Variants in HECW1 observed in about 807,000 individuals in gnomAD.
HECW1 encodes the protein HECT, C2 and WW domain containing E3 ubiquitin protein ligase 1.
A neutral mutation model predicts 182.3 loss-of-function variants in HECW1; 61 were observed. The ratio of observed to expected loss-of-function variants is 0.33; its 90% confidence interval spans 0.27 to 0.41. The LOEUF (loss-of-function observed/expected upper bound fraction) is 0.41, where lower values mean the gene tolerates loss of function less well. HECW1 is among the 10% of genes least tolerant of loss of function. The pLI is 1.00. For missense variants in HECW1, 1,739 were observed against 2,108.9 expected (o/e 0.82, Z 3.44); for synonymous variants, 859 against 832.6 (o/e 1.03, Z -0.55).
intron 5 of HECW1, among the ~76,000 whole-genome samples, chr7:43,324,903 G>C (rs1810581830): frequency 6.6e-6 from 1 of 151,972 alleles, no homozygotes; most frequent in Non-Finnish European, 1.5e-5. Context: ...GTATATTGCA[G>C]ATGACCTGGA....
At chr7:43,199,384 T>C (rs1029320163) in intron 2 of HECW1, among the ~76,000 whole-genome samples, 1 of 152,282 alleles carries the variant, frequency 6.6e-6, no homozygotes, top group Non-Finnish European at 1.5e-5. Flanking sequence ...CTGAATATTA[T>C]AGACTTTGAG....
intron 8 of HECW1, among the ~76,000 whole-genome samples, chr7:43,415,414 G>T (rs1187791816): frequency 2.0e-5 from 3 of 147,588 alleles, no homozygotes; most frequent in African/African-American, 7.5e-5. Flanking sequence ...AGTCTGATGG[G>T]CTTCCCTTTG....
In HECW1 at chr7:43,463,653, T is replaced by C; in HGVS notation, c.2652-7T>C. On this transcript the variant is annotated splice_polypyrimidine_tract_variant and splice_region_variant and intron_variant, in intron 13 of 29. Transcript: ENST00000395891. ...TAACTCCTGTCTTTCCATTTTCTAA[T>C]GCAAAGGTATCAAAACATTCAGCGA... is the stretch of plus-strand genomic sequence containing the variant. The C allele has an allele frequency of 6.2e-7, 1 of 1,611,672 alleles. No homozygotes were observed. Among genetic ancestry groups the C allele is most frequent in the Non-Finnish European group, 8.5e-7 (1 of 1,178,116 alleles).
chr7:43,386,169 CCT>C (rs1419513012), intron 6 of HECW1, among the ~76,000 whole-genome samples: 1 of 152,196 alleles, frequency 6.6e-6, no homozygotes, highest in Non-Finnish European at 1.5e-5. Context: ...TCTTTGACTT[CCT>C]CTCTCTCTTT....
At chr7:43,396,990 C>T in intron 7 of HECW1, 101 bp downstream of exon 7, 1 of 817,914 alleles carries the variant, frequency 1.2e-6, no homozygotes, top group Non-Finnish European at 2.1e-6. Context: ...GTCAGTCAAC[C>T]TCTCTGTGCC....
At chr7:43,301,132 G>A (rs867750856) in intron 3 of HECW1, among the ~76,000 whole-genome samples, 1 of 152,166 alleles carries the variant, frequency 6.6e-6, no homozygotes, top group Admixed American at 6.5e-5. Context: ...AATGGAGAAG[G>A]TCTTATTTCT....
At position 43,369,193 on chromosome 7, in the gene HECW1, T is replaced by C. The variant is rs543769866; in HGVS notation, c.555+8213T>C. Among the ~76,000 whole-genome samples the C allele has an allele frequency of 8.1e-4, 124 of 152,302 alleles. 1 individual carries two copies. Among genetic ancestry groups the C allele is most frequent in the Admixed American group, 3.6e-3 (55 of 15,300 alleles). On this transcript the variant is annotated intron_variant, in intron 6 of 29. Transcript: ENST00000395891. Reference sequence around the variant, plus strand: ...ACAATTTAGGGCCGGGCGCAGTGGCTCATGCTTGTAATCCTAGCACTTTGG... The same window carrying C: ...ACAATTTAGGGCCGGGCGCAGTGGCCCATGCTTGTAATCCTAGCACTTTGG...
At chr7:43,453,135 T>C (rs2077288869) in intron 12 of HECW1, among the ~76,000 whole-genome samples, 1 of 152,112 alleles carries the variant, frequency 6.6e-6, no homozygotes, top group African/African-American at 2.4e-5. Flanking sequence ...CTGCCTCAGG[T>C]TTTGAAAAGT....
chr7:43,444,087 A>C lies in HECW1; in HGVS notation c.1046-131A>C, dbSNP rs190034902. ...TCACTAGAGCTCTGGCCAGTGAGAA[A>C]CCCTCATCAACCTACATTCAATATC... On this transcript the variant is annotated intron_variant, in intron 10 of 29. Transcript: ENST00000395891. This position sits in a 1 kb window ranked among gnomAD's most constrained non-coding sequence, Gnocchi z 4.3. 1 of 918,782 alleles carries C rather than the reference A, an allele frequency of 1.1e-6. No homozygotes were observed. Among genetic ancestry groups the C allele is most frequent in the Admixed American group, 2.9e-5 (1 of 34,612 alleles). 56.9% of individuals were successfully genotyped at this position (918,782 alleles called of 1,614,324 possible). A position where few individuals can be genotyped will look rare whatever the true frequency, so the allele number is the denominator to read the frequency against.
intron 6 of HECW1, among the ~76,000 whole-genome samples, chr7:43,369,989 C>T (rs754236907): frequency 2.3e-4 from 35 of 152,252 alleles, no homozygotes; most frequent in South Asian, 6.2e-4. Flanking sequence ...GGGCCAGAAC[C>T]TAAAGTCAGT....
intron 9 of HECW1, chr7:43,438,947 CAGA>C (rs1350464552): frequency 2.9e-4 from 44 of 152,246 alleles, no homozygotes; most frequent in African/African-American, 2.4e-5. Context: ...TTTGGATTAT[CAGA>C]AGGACTTTGG....
chr7:43,380,257 T>C (rs1056789981), intron 6 of HECW1, among the ~76,000 whole-genome samples: 3 of 151,998 alleles, frequency 2.0e-5, no homozygotes, highest in Non-Finnish European at 2.9e-5. Context: ...AGAGATGGAG[T>C]CTTGCTTTGT....
chr7:43,431,144 CAT>C (rs2076537245), intron 8 of HECW1, among the ~76,000 whole-genome samples: 2 of 152,188 alleles, frequency 1.3e-5, no homozygotes, highest in Admixed American at 1.3e-4. Context: ...ATGAATGACT[CAT>C]AGTTTCCTTG....
At chr7:43,498,143 G>A (rs1299558830) in intron 19 of HECW1, among the ~76,000 whole-genome samples, 1 of 152,204 alleles carries the variant, frequency 6.6e-6, no homozygotes, top group Non-Finnish European at 1.5e-5. Context: ...TGCATGACAT[G>A]TTGCCAGACA....
At chr7:43,316,758 C>CCCT in intron 4 of HECW1, among the ~76,000 whole-genome samples, 1 of 33,204 alleles carries the variant, frequency 3.0e-5, no homozygotes, top group Non-Finnish European at 7.6e-5. Context: ...TTCTCCTCTC[C>CCCT]CCTCCCCTTT....
At chr7:43,169,134 G>A (rs1345981255) in intron 2 of HECW1, among the ~76,000 whole-genome samples, 2 of 152,076 alleles carry the variant, frequency 1.3e-5, no homozygotes, top group Non-Finnish European at 2.9e-5. Flanking sequence ...GTAATTACAA[G>A]GGATCATATG....
chr7:43,331,896 A>T (rs1017831929), intron 5 of HECW1, among the ~76,000 whole-genome samples: 8 of 152,166 alleles, frequency 5.3e-5, no homozygotes, highest in African/African-American at 1.9e-4. Flanking sequence ...TGGGACATTG[A>T]AGGGCAGTTT....
At chr7:43,555,869 A>G (rs1418620539) in intron 29 of HECW1, among the ~76,000 whole-genome samples, 1 of 151,984 alleles carries the variant, frequency 6.6e-6, no homozygotes, top group Non-Finnish European at 1.5e-5. Flanking sequence ...GTCTGGCAAG[A>G]AAAGAAGACT....
intron 3 of HECW1, among the ~76,000 whole-genome samples, chr7:43,307,888 A>C (rs372860293): frequency 0.076 from 9,190 of 120,448 alleles, 407 homozygotes; most frequent in Middle Eastern, 0.14. Context: ...ATATATATAT[A>C]TATATATACA....
Sources: gnomAD v4.1 joint callset for allele counts (sites outside exome capture counted in the v4.1 genomes callset) on GRCh38, gnomAD v4.1.1 for gene constraint, Gnocchi (gnomAD v3.1) non-coding constraint, MANE v1.5 for transcripts, NCBI Gene and HGNC (gene_info 2026-07-23, HGNC 2026-07-21) for gene names.